The following AQR variants were observed in gnomAD, a reference collection of about 807,000 sequenced individuals.
AQR encodes the protein RNA helicase aquarius.
Under a neutral mutation model 180.5 loss-of-function variants are expected in AQR, and 61 were observed. The ratio of observed to expected loss-of-function variants is 0.34; its 90% CI spans 0.28 to 0.42. The LOEUF (loss-of-function observed/expected upper bound fraction) is 0.42, where lower values mean the gene tolerates loss of function less well. Among genes scored for constraint, AQR ranks in the 10% least tolerant of loss-of-function variants. The pLI is 1.00. For missense variants in AQR, 1,281 were observed against 1,798.3 expected (o/e 0.71, Z 5.20); for synonymous variants, 551 against 588.8 (o/e 0.94, Z 0.93).
chr15:34,964,596 C>T, intron 1 of AQR: 1 of 424,504 alleles, frequency 2.4e-6, no homozygotes, highest in Non-Finnish European at 4.4e-6. Context: ...ACATCTTCAG[C>T]ATGGCAATAA....
At chr15:34,898,037 T>C (rs1280188507) in intron 20 of AQR, among the ~76,000 whole-genome samples, 1 of 152,168 alleles carries the variant, frequency 6.6e-6, no homozygotes, top group Non-Finnish European at 1.5e-5. Context: ...ACAGATGGCA[T>C]CTAAGATGAG....
At position 34,862,877 on chromosome 15, in the gene AQR, G is replaced by A. The variant is rs1595779493; in HGVS notation, c.4019C>T (p.Thr1340Ile). The part of the protein sequence containing the change: ...LHIIPTEPFP[T>I]TRKNGERPSH... ...AGAAAGAAGTCCTACCTTTCTAGTA[G>A]TTGGGAAAGGTTCTGTTGGAATTAT... is the stretch of plus-strand genomic sequence containing the variant. The change falls in exon 33 of 35, where the codon ACT becomes ATT. Residue 1340 changes from threonine (T) to isoleucine (I), a missense_variant. Thr to Ile is a moderately conservative substitution (Grantham distance 89, BLOSUM62 -1). This residue lies in a region of AQR where 182 missense variants were observed against 185.3 expected (regional missense o/e 0.98). Coordinates refer to ENST00000156471, the MANE Select transcript of AQR (RefSeq NM_014691.3). 1 of 1,613,522 alleles carries A rather than the reference G, an allele frequency of 6.2e-7. No individual in the cohort carries two copies. The highest frequency in any genetic ancestry group is 8.5e-7 in the Non-Finnish European group (1 of 1,179,626).
Position 34,864,489 on chromosome 15 carries a change from C to T in AQR, c.3855-1448G>A, listed in dbSNP as rs573602162. 3.3e-5 allele frequency among the ~76,000 whole-genome samples: 5 copies of T among 152,214 alleles called. No individual in the cohort carries two copies. The South Asian group carries it at 1.0e-3, about 32-fold the overall frequency. The stretch of plus-strand genomic sequence containing the variant: ...ATTTTCGCCACATTTCCTTAAAACC[C>T]CAAGGGGTTATGCTACAGTTGGGTG... On this transcript the variant is annotated intron_variant, in intron 32 of 34. Transcript: ENST00000156471.
At chr15:34,872,581 T>A (rs1892835157) in intron 30 of AQR, among the ~76,000 whole-genome samples, 1 of 152,120 alleles carries the variant, frequency 6.6e-6, no homozygotes, top group Admixed American at 6.6e-5. Context: ...ATTTCTAAGG[T>A]GGCTATTAGG....
At chr15:34,885,808 T>C (rs1893051443) in intron 25 of AQR, among the ~76,000 whole-genome samples, 1 of 152,194 alleles carries the variant, frequency 6.6e-6, no homozygotes, top group South Asian at 2.1e-4. Context: ...TGGTTTGTGA[T>C]ATCCACTTAC....
intron 23 of AQR, among the ~76,000 whole-genome samples, chr15:34,891,503 T>A (rs1893147768): frequency 6.6e-6 from 1 of 152,144 alleles, no homozygotes; most frequent in South Asian, 2.1e-4. Context: ...AGGGAAATGA[T>A]TTGAATTTCA....
At chr15:34,944,139 G>T in intron 6 of AQR, 149 bp downstream of exon 6, 1 of 649,982 alleles carries the variant, frequency 1.5e-6, no homozygotes, top group Non-Finnish European at 2.4e-6. Context: ...TGGTTTTACT[G>T]ATAAGTGGCT....
At chr15:34,945,044 T>C (rs2140498998) in intron 5 of AQR, among the ~76,000 whole-genome samples, 1 of 152,340 alleles carries the variant, frequency 6.6e-6, no homozygotes, top group East Asian at 1.9e-4. Flanking sequence ...CTCAACTCCT[T>C]TTCACCATAT....
intron 2 of AQR, among the ~76,000 whole-genome samples, chr15:34,961,154 A>G (rs951463155): frequency 6.6e-6 from 1 of 152,230 alleles, no homozygotes; most frequent in Non-Finnish European, 1.5e-5. Context: ...TTTGAGAGTC[A>G]TAACTGTGTG....
At chr15:34,861,433 G>A (rs1869968727) in intron 33 of AQR, among the ~76,000 whole-genome samples, 1 of 152,186 alleles carries the variant, frequency 6.6e-6, no homozygotes, top group Admixed American at 6.5e-5. Context: ...AGGAGAAGAT[G>A]GGGAGATGTT....
At chr15:34,966,739 G>T (rs576014696) in intron 1 of AQR, among the ~76,000 whole-genome samples, 35 of 152,300 alleles carry the variant, frequency 2.3e-4, no homozygotes, top group Admixed American at 3.9e-4. Context: ...AAGATGTAGT[G>T]TGAGAAAGGA....
intron 15 of AQR, 72 bp from the exon 16 acceptor site, chr15:34,915,251 C>A (rs1893563601): frequency 2.2e-6 from 3 of 1,377,302 alleles, no homozygotes; most frequent in African/African-American, 1.5e-5. Flanking sequence ...CTGTCACCTG[C>A]ACAATCTCGT....
At chr15:34,937,419 G>A (rs547917828) in intron 9 of AQR, among the ~76,000 whole-genome samples, 1 of 152,238 alleles carries the variant, frequency 6.6e-6, no homozygotes, top group South Asian at 2.1e-4. Context: ...TCACTGAATC[G>A]TAGCTAAGAT....
In AQR at chr15:34,947,352, T is replaced by G. The variant is rs1160454814; in HGVS notation, c.330+912A>C. Among the ~76,000 whole-genome samples, 4 of 150,678 alleles carry G rather than the reference T, an allele frequency of 2.7e-5. No individual in the cohort carries two copies. The East Asian group carries it at 7.8e-4, about 29-fold the overall frequency. On this transcript the variant is annotated intron_variant, in intron 5 of 34. Coordinates refer to ENST00000156471, the MANE Select transcript of AQR (RefSeq NM_014691.3). Reference sequence around the variant, plus strand: ...GTCATCACCACTCCCTAATCTCAAGTACCCAGGGACACAAACACTGCGGAA... The same window carrying G: ...GTCATCACCACTCCCTAATCTCAAGGACCCAGGGACACAAACACTGCGGAA...
chr15:34,900,998 G>A, intron 19 of AQR, 135 bp from the exon 20 acceptor site: 1 of 1,170,916 alleles, frequency 8.5e-7, no homozygotes. Flanking sequence ...TCCGCTGGCT[G>A]ACAGGTGCTT....
chr15:34,871,617 T>C (rs1892819132), intron 30 of AQR, among the ~76,000 whole-genome samples: 1 of 151,956 alleles, frequency 6.6e-6, no homozygotes, highest in Non-Finnish European at 1.5e-5. Flanking sequence ...CCCAGTTTAA[T>C]AGCAAATACA....
At chr15:34,899,780 C>T (rs948363968) in intron 20 of AQR, among the ~76,000 whole-genome samples, 2 of 152,126 alleles carry the variant, frequency 1.3e-5, no homozygotes. Context: ...TGCCTTACCA[C>T]TAATCCATAT....
intron 3 of AQR, among the ~76,000 whole-genome samples, chr15:34,956,694 C>CATAAA (rs1390575879): frequency 5.2e-4 from 8 of 15,362 alleles, no homozygotes; most frequent in Non-Finnish European, 1.7e-3. Flanking sequence ...AGTAAGAAGT[C>CATAAA]AGAAAAAAAA....
At chr15:34,873,718 G>A (rs1478771389) in intron 30 of AQR, 110 bp downstream of exon 30, 26 of 887,990 alleles carry the variant, frequency 2.9e-5, no homozygotes, top group Non-Finnish European at 4.1e-5. Context: ...GTGTAAGGTG[G>A]GGTTCCAACT....
Sources: gnomAD v4.1 joint callset for allele counts (sites outside exome capture counted in the v4.1 genomes callset) on GRCh38, gnomAD v4.1.1 for gene constraint, gnomAD v4.1.1 regional missense constraint, MANE v1.5 for transcripts, NCBI Gene and HGNC (gene_info 2026-07-23, HGNC 2026-07-21) for gene names.